The following ITSN1 variants were observed in gnomAD, a reference collection of about 807,000 sequenced individuals.
ITSN1 encodes intersectin 1.
ITSN1 carries 58 observed loss-of-function variants against 239.8 expected under a neutral mutation model. The observed-to-expected ratio is 0.24, with a 90% CI of 0.20 to 0.30. The LOEUF (loss-of-function observed/expected upper bound fraction) is 0.30, where lower values mean the gene tolerates loss of function less well. ITSN1 is among the 10% of genes least tolerant of loss of function. ITSN1 has a pLI of 1.00. For synonymous variants in ITSN1, 780 were observed against 770.8 expected (o/e 1.01, Z -0.20); for missense variants, 1,558 against 2,103.3 (o/e 0.74, Z 5.07).
chr21:33,706,200 G>A (rs1453591880), intron 1 of ITSN1, among the ~76,000 whole-genome samples: 1 of 151,908 alleles, frequency 6.6e-6, no homozygotes, highest in Non-Finnish European at 1.5e-5. Flanking sequence ...TCTATTTTTA[G>A]TAGAGATGGG....
intron 1 of ITSN1, among the ~76,000 whole-genome samples, chr21:33,680,758 C>T (rs753840502): frequency 1.3e-5 from 2 of 152,218 alleles, no homozygotes; most frequent in Non-Finnish European, 1.5e-5. Flanking sequence ...TTAATGACTG[C>T]ATGGTTTCTG....
At chr21:33,667,461 A>G (rs1433191770) in intron 1 of ITSN1, among the ~76,000 whole-genome samples, 1 of 152,184 alleles carries the variant, frequency 6.6e-6, no homozygotes, top group East Asian at 1.9e-4. Context: ...TTGTAAGCCA[A>G]ATGACTCTTT....
Position 33,797,410 on chromosome 21 carries a change from G to A in ITSN1, c.1984G>A (p.Glu662Lys). 1.9e-6 allele frequency: 3 copies of A among 1,613,966 alleles called. No individual in the cohort carries two copies. In the South Asian group the frequency reaches 3.3e-5, roughly 18 times the overall value. ...TCAGGAAAGGGACAAGCAGTGGCTG[G>A]AGCATGTGCAGCAGGAGGACGAGCA... ...RAQERDKQWL[E>K]HVQQEDEHQR... is the part of the protein sequence containing the mutation. The change falls in exon 18 of 40, where the codon GAG becomes AAG. Residue 662 changes from glutamate to lysine, a missense_variant. Around this residue, in one of 2 missense-constraint regions of ITSN1, gnomAD observed 982 missense variants for 1,209.9 expected, o/e 0.81. Coordinates refer to ENST00000381318, the MANE Select transcript of ITSN1 (RefSeq NM_003024.3). The surrounding 1 kb of genome is among the most constrained non-coding windows in gnomAD (Gnocchi z 4.9).
At chr21:33,651,942 G>A (rs1351054872) in intron 1 of ITSN1, among the ~76,000 whole-genome samples, 1 of 152,196 alleles carries the variant, frequency 6.6e-6, no homozygotes, top group African/African-American at 2.4e-5. Flanking sequence ...TAATATTACA[G>A]TTGTGATTTG....
In ITSN1 at chr21:33,826,872, C is replaced by A. The variant is rs771967469; in HGVS notation, c.3229+9C>A. ...TTTAGGAAAAAAACCTGGTAAGTTA[C>A]AAACCCTGATGCTTACTTTTCAATG... On this transcript the variant is annotated intron_variant, in intron 26 of 39. Coordinates refer to ENST00000381318, the MANE Select transcript of ITSN1 (RefSeq NM_003024.3). 29 of 1,610,320 alleles carry A rather than the reference C, an allele frequency of 1.8e-5. No homozygotes were observed. The South Asian group carries it at 3.1e-4, about 17-fold the overall frequency.
At chr21:33,749,901 A>G (rs901562008) in intron 5 of ITSN1, among the ~76,000 whole-genome samples, 2 of 152,118 alleles carry the variant, frequency 1.3e-5, no homozygotes, top group Non-Finnish European at 2.9e-5. Context: ...AGTCCACTGC[A>G]GTTATTATTC....
At position 33,811,223 on chromosome 21, in the gene ITSN1, G is replaced by A. The variant is rs758301777; in HGVS notation, c.2567+1G>A. 1.9e-6 allele frequency: 3 copies of A among 1,574,356 alleles called. No individual in the cohort carries two copies. Among genetic ancestry groups the A allele is most frequent in the Non-Finnish European group, 1.7e-6 (2 of 1,161,026 alleles). On this transcript the variant is annotated splice_donor_variant, in intron 21 of 39. Coordinates refer to ENST00000381318, the MANE Select transcript of ITSN1 (RefSeq NM_003024.3). LOFTEE classifies it high-confidence loss of function. The stretch of plus-strand genomic sequence containing the variant: ...ATAACTGGGCCGACTTCAGCTCCAC[G>A]TACGTGTTGGTGGGCTCTTTCTGAT...
At chr21:33,692,102 T>G (rs996157755) in intron 1 of ITSN1, among the ~76,000 whole-genome samples, 3 of 152,022 alleles carry the variant, frequency 2.0e-5, no homozygotes, top group Admixed American at 2.0e-4. Context: ...TAAAACTGAG[T>G]TAGGTAGGCT....
At chr21:33,682,785 G>C (rs2091040177) in intron 1 of ITSN1, among the ~76,000 whole-genome samples, 1 of 151,072 alleles carries the variant, frequency 6.6e-6, no homozygotes, top group African/African-American at 2.5e-5. Context: ...GCTGCCCAAA[G>C]TGCTGGGATT....
Position 33,785,853 on chromosome 21 carries a change from T to A in ITSN1, c.1824+3720T>A, listed in dbSNP as rs143516918. Among the ~76,000 whole-genome samples, 136 of 152,344 alleles carry A rather than the reference T, an allele frequency of 8.9e-4. 1 individual carries two copies. Among genetic ancestry groups the A allele is most frequent in the African/African-American group, 2.7e-3 (114 of 41,586 alleles). ...TTAATAGATATTTACCTTTTAGGTG[T>A]CATATTTATATATTCAAAAAAAGAT... is the stretch of plus-strand genomic sequence containing the variant. On this transcript the variant is annotated intron_variant, in intron 16 of 39. Coordinates refer to ENST00000381318, the MANE Select transcript of ITSN1 (RefSeq NM_003024.3).
chr21:33,800,812 G>T (rs2071935759), intron 19 of ITSN1, among the ~76,000 whole-genome samples: 1 of 149,592 alleles, frequency 6.7e-6, no homozygotes, highest in Admixed American at 6.7e-5. Context: ...AGATAATTTA[G>T]ATTTTTTTTT....
intron 5 of ITSN1, among the ~76,000 whole-genome samples, chr21:33,738,695 C>T (rs925783673): frequency 3.3e-5 from 5 of 152,114 alleles, no homozygotes; most frequent in Admixed American, 1.3e-4. Flanking sequence ...CCACCGCACC[C>T]GGATGGCTTT....
chr21:33,865,859 A>G lies in ITSN1; in HGVS notation c.4074+525A>G, dbSNP rs1569319072. Among the ~76,000 whole-genome samples, 1 of 151,938 alleles carries G rather than the reference A, an allele frequency of 6.6e-6. No homozygotes were observed. The highest frequency in any genetic ancestry group is 2.4e-5 in the African/African-American group (1 of 41,346). ...TTCCTTGGAGGTAGCAGGGATCTGG[A>G]GAGTTGGGAGTCCACCAGGGGATGT... On this transcript the variant is annotated intron_variant, in intron 32 of 39. Transcript: ENST00000381318. The surrounding 1 kb of genome is among the most constrained non-coding windows in gnomAD (Gnocchi z 4.4).
intron 1 of ITSN1, among the ~76,000 whole-genome samples, chr21:33,705,593 T>C (rs1479190306): frequency 6.6e-6 from 1 of 152,008 alleles, no homozygotes; most frequent in South Asian, 2.1e-4. Context: ...AGGGTTTCAC[T>C]GTGTTAGCCA....
chr21:33,763,974 A>G (rs2068547082), intron 9 of ITSN1, among the ~76,000 whole-genome samples: 1 of 152,196 alleles, frequency 6.6e-6, no homozygotes, highest in Non-Finnish European at 1.5e-5. Context: ...TCTGTTTTGT[A>G]TGAAAGAGCT....
Position 33,899,236 on chromosome 21 carries a change from C to T in ITSN1, c.*10936C>T, listed in dbSNP as rs1454599546. ...TCCCTTCCCAGGAGTGCTAGCGAAC[C>T]CTCCCAGATAGCCTTTGCCTGTTTG... On this transcript the variant is annotated 3_prime_UTR_variant, in exon 40 of 40. Coordinates refer to ENST00000381318, the MANE Select transcript of ITSN1 (RefSeq NM_003024.3). 1.3e-5 allele frequency: 2 copies of T among 152,192 alleles called. No individual in the cohort carries two copies. The highest frequency in any genetic ancestry group is 4.8e-5 in the African/African-American group (2 of 41,446). The allele number at this position is 152,192 out of a possible 1,614,324, so 9.4% of individuals were successfully genotyped here.
At chr21:33,694,830 A>G (rs1444178995) in intron 1 of ITSN1, among the ~76,000 whole-genome samples, 2 of 152,080 alleles carry the variant, frequency 1.3e-5, no homozygotes, top group African/African-American at 4.8e-5. Context: ...AAAAACAAAA[A>G]ACAAAAAACA....
At position 33,890,178 on chromosome 21, in the gene ITSN1, C is replaced by T. The variant is rs999811449; in HGVS notation, c.*1878C>T. 1 of 152,208 alleles carries T rather than the reference C, an allele frequency of 6.6e-6. No homozygotes were observed. The highest frequency in any genetic ancestry group is 1.5e-5 in the Non-Finnish European group (1 of 68,040). The allele number at this position is 152,208 out of a possible 1,614,324, so 9.4% of individuals were successfully genotyped here. A position where few individuals can be genotyped will look rare whatever the true frequency, so the allele number is the denominator to read the frequency against. ...ATTAAATCTATAAATAGACATGCAA[C>T]TCATGCTTTCCTATTTCTATAACCA... On this transcript the variant is annotated 3_prime_UTR_variant, in exon 40 of 40. Transcript: ENST00000381318.
intron 8 of ITSN1, among the ~76,000 whole-genome samples, 198 bp downstream of exon 8, chr21:33,755,595 G>A (rs2067851782): frequency 6.6e-6 from 1 of 152,064 alleles, no homozygotes; most frequent in Non-Finnish European, 1.5e-5. Context: ...ATTGCTTTGT[G>A]GTAAAATGGA....
Sources: allele counts gnomAD v4.1 joint callset (sites outside exome capture counted in the v4.1 genomes callset), GRCh38; gene constraint gnomAD v4.1.1; regional missense constraint gnomAD v4.1.1; non-coding constraint Gnocchi (gnomAD v3.1); transcripts MANE v1.5; gene names NCBI Gene and HGNC (gene_info 2026-07-23, HGNC 2026-07-21).